SLC4A10: variants seen among roughly 807,000 people sequenced by gnomAD.
The protein encoded by SLC4A10 is solute carrier family 4 member 10, also known as sodium-driven chloride bicarbonate exchanger.
SLC4A10 carries 42 observed loss-of-function variants against 137.7 expected under a neutral mutation model. The observed-to-expected ratio is 0.30, with a 90% CI of 0.24 to 0.39. The LOEUF is 0.39. SLC4A10 is among the 10% of genes least tolerant of loss of function. The probability of loss-of-function intolerance (pLI) is 1.00; values close to 1 mark genes in which losing one functional copy is unlikely to be tolerated. For missense variants in SLC4A10, 925 were observed against 1,355.0 expected (o/e 0.68, Z 4.98); for synonymous variants, 474 against 464.1 (o/e 1.02, Z -0.27).
rs1051401423 is a variant in SLC4A10, at chr2:161,958,423, T to G, written c.2794-64T>G. ...CTTTTTTCCCTGTTTTTTTCTTTGA[T>G]AAATGCAAAACCACAATCTATTTGA... On this transcript the variant is annotated intron_variant, in intron 20 of 26. Coordinates refer to ENST00000446997, the MANE Select transcript of SLC4A10 (RefSeq NM_001178015.2). The G allele has an allele frequency of 5.7e-6, 8 of 1,406,634 alleles. No individual in the cohort carries two copies. In the East Asian group the frequency reaches 1.8e-4, roughly 32 times the overall value. The allele number at this position is 1,406,634 out of a possible 1,614,324, so 87.1% of individuals were successfully genotyped here.
At chr2:161,966,887 C>G (rs1344993910) in intron 23 of SLC4A10, among the ~76,000 whole-genome samples, 1 of 152,088 alleles carries the variant, frequency 6.6e-6, no homozygotes, top group Non-Finnish European at 1.5e-5. Context: ...AAAACGGACA[C>G]TAGAACACAG....
intron 2 of SLC4A10, among the ~76,000 whole-genome samples, chr2:161,789,293 G>A (rs2053962185): frequency 6.6e-6 from 1 of 152,170 alleles, no homozygotes. Context: ...AGTGAGGGGA[G>A]CAGAGAAGCA....
intron 1 of SLC4A10, among the ~76,000 whole-genome samples, chr2:161,760,240 T>C (rs1235283214): frequency 6.6e-6 from 1 of 152,054 alleles, no homozygotes; most frequent in African/African-American, 2.4e-5. Context: ...TTGAATTTTT[T>C]ATATTTTTGT....
chr2:161,683,582 G>GAA (rs2041091173), intron 1 of SLC4A10, among the ~76,000 whole-genome samples: 1 of 152,106 alleles, frequency 6.6e-6, no homozygotes, highest in Admixed American at 6.6e-5. Flanking sequence ...TCTTTTGTTG[G>GAA]TTGGTTGAAA....
intron 15 of SLC4A10, among the ~76,000 whole-genome samples, chr2:161,921,902 G>A (rs960758067): frequency 3.3e-5 from 5 of 152,078 alleles, no homozygotes; most frequent in Admixed American, 1.3e-4. Context: ...ATCTCCAGTA[G>A]GACTTAGCAC....
At chr2:161,963,689 C>G (rs1016607799) in intron 21 of SLC4A10, among the ~76,000 whole-genome samples, 15 of 152,038 alleles carry the variant, frequency 9.9e-5, no homozygotes, top group African/African-American at 3.6e-4. Context: ...ATTAGCAAGT[C>G]TGTGAAAGTC....
intron 1 of SLC4A10, among the ~76,000 whole-genome samples, chr2:161,700,613 C>T (rs1039483555): frequency 2.6e-5 from 4 of 151,942 alleles, no homozygotes; most frequent in Non-Finnish European, 4.4e-5. Context: ...TGTATACTGT[C>T]TTCTTTAACC....
At chr2:161,712,483 A>G (rs10173904) in intron 1 of SLC4A10, among the ~76,000 whole-genome samples, 5,545 of 151,998 alleles carry the variant, frequency 0.036, 337 homozygotes, top group African/African-American at 0.13. Flanking sequence ...AAAAATGTCC[A>G]AGACAAAAAA....
chr2:161,746,447 C>T (rs1039167344), intron 1 of SLC4A10, among the ~76,000 whole-genome samples: 3 of 151,744 alleles, frequency 2.0e-5, no homozygotes, highest in Non-Finnish European at 4.4e-5. Flanking sequence ...GTCAACAGGT[C>T]GTAAATTCTG....
intron 2 of SLC4A10, among the ~76,000 whole-genome samples, chr2:161,793,863 G>A (rs935431602): frequency 2.0e-5 from 3 of 151,988 alleles, no homozygotes; most frequent in East Asian, 1.9e-4. Context: ...GAGCTAAATT[G>A]TATAAGATTA....
intron 5 of SLC4A10, among the ~76,000 whole-genome samples, chr2:161,857,239 G>A (rs2060155035): frequency 6.6e-6 from 1 of 152,104 alleles, no homozygotes; most frequent in African/African-American, 2.4e-5. Context: ...GCCTTTTCAA[G>A]CAAATTACAT....
At chr2:161,908,158 GA>G (rs1684885050) in intron 15 of SLC4A10, among the ~76,000 whole-genome samples, 1 of 151,978 alleles carries the variant, frequency 6.6e-6, no homozygotes, top group Non-Finnish European at 1.5e-5. Flanking sequence ...AAATAAGAAA[GA>G]AGCATCAGAA....
chr2:161,841,760 A>T (rs189915696), intron 4 of SLC4A10, among the ~76,000 whole-genome samples: 2 of 152,220 alleles, frequency 1.3e-5, no homozygotes, highest in Admixed American at 6.5e-5. Flanking sequence ...AACTGCCAGT[A>T]TTTAAAATTC....
At chr2:161,937,528 A>G (rs1225500562) in intron 15 of SLC4A10, among the ~76,000 whole-genome samples, 1 of 152,026 alleles carries the variant, frequency 6.6e-6, no homozygotes, top group African/African-American at 2.4e-5. Context: ...GAACACCCAG[A>G]CTCAAGGTGT....
intron 1 of SLC4A10, among the ~76,000 whole-genome samples, chr2:161,633,612 A>C (rs2033944217): frequency 6.6e-6 from 1 of 151,770 alleles, no homozygotes; most frequent in Admixed American, 6.6e-5. Context: ...CATTTAGACT[A>C]ATGACTCAGT....
intron 10 of SLC4A10, among the ~76,000 whole-genome samples, chr2:161,883,033 C>T (rs572079002): frequency 1.4e-4 from 22 of 152,148 alleles, no homozygotes; most frequent in African/African-American, 5.3e-4. Context: ...ATCAGCTCTT[C>T]AAAGAAGTGT....
At chr2:161,804,298 G>T in intron 2 of SLC4A10, 151 bp from the exon 3 acceptor site, 2 of 716,868 alleles carry the variant, frequency 2.8e-6, no homozygotes, top group Non-Finnish European at 4.3e-6. Flanking sequence ...AATGCCAAAA[G>T]ACAGTGCCAC....
chr2:161,898,658 G>C (rs1013342140), intron 11 of SLC4A10, among the ~76,000 whole-genome samples: 5 of 152,044 alleles, frequency 3.3e-5, no homozygotes, highest in Non-Finnish European at 7.4e-5. Flanking sequence ...ATGTTCATTA[G>C]AACTTTGCAT....
At chr2:161,706,688 G>A (rs763096593) in intron 1 of SLC4A10, among the ~76,000 whole-genome samples, 171 of 151,524 alleles carry the variant, frequency 1.1e-3, no homozygotes, top group Non-Finnish European at 1.9e-3. Context: ...GGCTCCTGAC[G>A]CTTACCGTGA....
Sources: gnomAD v4.1 joint callset for allele counts (sites outside exome capture counted in the v4.1 genomes callset) on GRCh38, gnomAD v4.1.1 for gene constraint, MANE v1.5 for transcripts, NCBI Gene and HGNC (gene_info 2026-07-23, HGNC 2026-07-21) for gene names.